The following HPS1 variants were observed in gnomAD, a reference collection of about 807,000 sequenced individuals.
HPS1 encodes BLOC-3 complex member HPS1.
A neutral mutation model predicts 90.6 loss-of-function variants in HPS1; 59 were observed. The ratio of observed to expected loss-of-function variants is 0.65; its 90% CI spans 0.53 to 0.81. The LOEUF is 0.81. Among genes scored for constraint, HPS1 ranks in the 30% least tolerant of loss-of-function variants. The pLI is 0.00. For synonymous variants in HPS1, 388 were observed against 384.4 expected (o/e 1.01, Z -0.11); for missense variants, 849 against 896.7 (o/e 0.95, Z 0.68).
At position 98,426,866 on chromosome 10, in the gene HPS1, C is replaced by T. The variant is rs141712766; in HGVS notation, c.987+349G>A. Among the ~76,000 whole-genome samples, 839 of 152,014 alleles carry T rather than the reference C, an allele frequency of 5.5e-3. 10 individuals are homozygous for T. Among genetic ancestry groups the T allele is most frequent in the African/African-American group, 0.017 (723 of 41,406 alleles). ...CGGGATTAAGAGTAATTTTTATTCC[C>T]TTTTTTATAGTTTACTTTTGTATTT... is the stretch of plus-strand genomic sequence containing the variant. On this transcript the variant is annotated intron_variant, in intron 11 of 19. Coordinates refer to ENST00000361490, the MANE Select transcript of HPS1 (RefSeq NM_000195.5).
rs937940502 is a variant in HPS1, at chr10:98,425,913, C to G, written c.1060G>C (p.Asp354His). 2.5e-6 allele frequency: 4 copies of G among 1,614,096 alleles called. No homozygotes were observed. The highest frequency in any genetic ancestry group is 3.4e-6 in the Non-Finnish European group (4 of 1,179,972). The change falls in exon 12 of 20, where the codon GAT becomes CAT. Residue 354 changes from aspartate to histidine, a missense_variant. Physicochemically the swap from Asp to His is moderately conservative, Grantham distance 81 (BLOSUM62 -1). Transcript: ENST00000361490. ...VPSGPRRIFL[D>H]ANVKESYCPL... ...CAGTAGCTTTCCTTCACGTTGGCAT[C>G]CAGGAAGATCCTTCTGGGGCCGGAA...
chr10:98,415,026 G>A (rs79916346), downstream of HPS1: 19 of 1,612,714 alleles, frequency 1.2e-5, no homozygotes, highest in African/African-American at 1.3e-4. Flanking sequence ...TATCACCACC[G>A]CATCATACTC....
chr10:98,436,026 T>C (rs184414971), intron 3 of HPS1, among the ~76,000 whole-genome samples: 2 of 152,182 alleles, frequency 1.3e-5, no homozygotes, highest in Admixed American at 6.5e-5. Context: ...CATTAAGGAA[T>C]TGGGCCTCAT....
chr10:98,424,433 C>T, intron 13 of HPS1, 59 bp from the exon 14 acceptor site: 2 of 1,452,524 alleles, frequency 1.4e-6, no homozygotes, highest in Non-Finnish European at 9.6e-7. Context: ...GAGGTCCAGG[C>T]CAAAGTCCTT....
At chr10:98,423,022 T>C (rs948254573) in intron 16 of HPS1, among the ~76,000 whole-genome samples, 1 of 152,246 alleles carries the variant, frequency 6.6e-6, no homozygotes, top group African/African-American at 2.4e-5. Context: ...ACCTGCCCAC[T>C]GAGGACCTGC....
At chr10:98,420,809 A>G (rs1387043566) in intron 17 of HPS1, among the ~76,000 whole-genome samples, 2 of 152,152 alleles carry the variant, frequency 1.3e-5, no homozygotes, top group Admixed American at 6.5e-5. Flanking sequence ...ACAGGAGAAC[A>G]AGGTGTGGTC....
At position 98,435,581 on chromosome 10, in the gene HPS1, A is replaced by G. The variant is rs1847199302; in HGVS notation, c.255+54T>C. ...AGTTCCAAATAAGAGAGGCCTGTGG[A>G]CTCCCCATCAAGCTGAGGGAAGAGG... On this transcript the variant is annotated intron_variant, in intron 4 of 19. Transcript: ENST00000361490. This position sits in a 1 kb window ranked among gnomAD's most constrained non-coding sequence, Gnocchi z 4.3. 1.9e-6 allele frequency: 3 copies of G among 1,607,802 alleles called. No homozygotes were observed. The highest frequency in any genetic ancestry group is 3.3e-5 in the Admixed American group (2 of 59,924).
chr10:98,413,965 G>T (rs1166094076), downstream of HPS1: 1 of 152,014 alleles, frequency 6.6e-6, no homozygotes, highest in African/African-American at 2.4e-5. Context: ...TGAGAGTATT[G>T]TATCTTTATT....
intron 3 of HPS1, among the ~76,000 whole-genome samples, chr10:98,441,689 CAAAT>C (rs1464897492): frequency 1.3e-5 from 2 of 152,062 alleles, no homozygotes; most frequent in East Asian, 3.8e-4. Context: ...ACAATCAACT[CAAAT>C]AAAAACTGGG....
At chr10:98,429,388 A>G (rs1342060854) in intron 10 of HPS1, 185 bp downstream of exon 10, 3 of 1,530,400 alleles carry the variant, frequency 2.0e-6, no homozygotes, top group East Asian at 4.9e-5. Context: ...ACAATCCTTG[A>G]GTTCAGGCTG....
chr10:98,435,129 T>C lies in HPS1; in HGVS notation c.398+143A>G, dbSNP rs1847121546. ...GGTCAGACCAGATGGTCTCCAAGGTTCACTTGAGCTGTTTCTCTGACCTAG... is the reference window on the plus strand; with the variant it reads ...GGTCAGACCAGATGGTCTCCAAGGTCCACTTGAGCTGTTTCTCTGACCTAG... On this transcript the variant is annotated intron_variant, in intron 5 of 19. Coordinates refer to ENST00000361490, the MANE Select transcript of HPS1 (RefSeq NM_000195.5). The surrounding 1 kb of genome is among the most constrained non-coding windows in gnomAD (Gnocchi z 4.3). The C allele has an allele frequency of 3.3e-6, 3 of 896,454 alleles. No individual in the cohort carries two copies. The highest frequency in any genetic ancestry group is 3.3e-4 in the Middle Eastern group (1 of 2,996). The allele number at this position is 896,454 out of a possible 1,614,324, so 55.5% of individuals were successfully genotyped here. A position where few individuals can be genotyped will look rare whatever the true frequency, so the allele number is the denominator to read the frequency against.
intron 8 of HPS1, among the ~76,000 whole-genome samples, chr10:98,430,339 C>T (rs1011702263): frequency 1.2e-4 from 18 of 152,146 alleles, no homozygotes; most frequent in African/African-American, 4.3e-4. Flanking sequence ...AGCTGGGTTT[C>T]GAACCATGGC....
At chr10:98,430,739 G>T in intron 7 of HPS1, 69 bp from the exon 8 acceptor site, 1 of 1,314,708 alleles carries the variant, frequency 7.6e-7, no homozygotes, top group South Asian at 1.3e-5. Context: ...CAGGTTAAAG[G>T]AGTGTGGAGC....
At chr10:98,415,171 T>C, downstream of HPS1, 1 of 1,602,788 alleles carries the variant, frequency 6.2e-7, no homozygotes, top group Non-Finnish European at 8.5e-7. Flanking sequence ...GGCAGGGAGT[T>C]TGCTAGCGAT....
At chr10:98,442,808 T>C (rs1938683592) in intron 3 of HPS1, 1 of 386,344 alleles carries the variant, frequency 2.6e-6, no homozygotes, top group Non-Finnish European at 4.9e-6. Context: ...GCGCCCAGCC[T>C]TGTTAAACTT....
chr10:98,422,599 G>A, intron 16 of HPS1, 86 bp from the exon 17 acceptor site: 1 of 1,372,960 alleles, frequency 7.3e-7, no homozygotes, highest in South Asian at 1.2e-5. Flanking sequence ...CCCAGTCATG[G>A]TGGCAGGAGG....
At chr10:98,428,091 C>T (rs1845853013) in intron 10 of HPS1, among the ~76,000 whole-genome samples, 1 of 152,224 alleles carries the variant, frequency 6.6e-6, no homozygotes, top group African/African-American at 2.4e-5. Flanking sequence ...ACCCAGAACT[C>T]TGCTTCTCAA....
In HPS1 at chr10:98,435,554, A is replaced by G. The variant is rs1490157949; in HGVS notation, c.255+81T>C. 17 of 1,609,066 alleles carry G rather than the reference A, an allele frequency of 1.1e-5. No homozygotes were observed. Among genetic ancestry groups the G allele is most frequent in the Admixed American group, 1.0e-4 (6 of 59,982 alleles). Reference sequence around the variant, plus strand: ...CCGTTTCTGCCTTCTAAAGGAGTCTAAAGTTCCAAATAAGAGAGGCCTGTG... The same window carrying G: ...CCGTTTCTGCCTTCTAAAGGAGTCTGAAGTTCCAAATAAGAGAGGCCTGTG... On this transcript the variant is annotated intron_variant, in intron 4 of 19. Transcript: ENST00000361490. This position sits in a 1 kb window ranked among gnomAD's most constrained non-coding sequence, Gnocchi z 4.3.
rs1192103748 is a variant in HPS1, at chr10:98,434,036, G to C, written c.454C>G (p.Leu152Val). Reference protein sequence around the residue: ...RVQLWEHFQSLLWTYSRLREQ... With the variant: ...RVQLWEHFQSVLWTYSRLREQ... ...CGCAGGCGGCTGTAGGTCCACAGCA[G>C]GCTCTGGAAGTGCTCCCACAGCTGG... Residue 152 changes from leucine to valine, a missense_variant, in exon 6 of 20, where the codon CTG becomes GTG. Transcript: ENST00000361490. 6.4e-7 allele frequency: 1 copy of C among 1,556,200 alleles called. No individual in the cohort carries two copies. The highest frequency in any genetic ancestry group is 8.7e-7 in the Non-Finnish European group (1 of 1,149,876).
Sources: gnomAD v4.1 joint callset for allele counts (sites outside exome capture counted in the v4.1 genomes callset) on GRCh38, gnomAD v4.1.1 for gene constraint, Gnocchi (gnomAD v3.1) non-coding constraint, MANE v1.5 for transcripts, NCBI Gene and HGNC (gene_info 2026-07-23, HGNC 2026-07-21) for gene names.